LRP5: variants seen among roughly 807,000 people sequenced by gnomAD.
The protein encoded by LRP5 is LDL receptor related protein 5, also known as low-density lipoprotein receptor-related protein 5.
LRP5 carries 62 observed loss-of-function variants against 154.1 expected under a neutral mutation model. The observed-to-expected ratio is 0.40, with a 90% confidence interval of 0.33 to 0.50. The LOEUF is 0.50. Among genes scored for constraint, LRP5 ranks in the 20% least tolerant of loss-of-function variants. The probability of loss-of-function intolerance (pLI) is 0.55; values close to 1 mark genes in which losing one functional copy is unlikely to be tolerated. For synonymous variants in LRP5, 966 were observed against 1,011.5 expected, an observed-to-expected ratio of 0.96 and a Z score of 0.85; for missense variants, 1,915 against 2,336.7, an observed-to-expected ratio of 0.82 and a Z score of 3.72.
intron 7 of LRP5, among the ~76,000 whole-genome samples, chr11:68,401,829 C>T (rs1482028104): frequency 6.6e-6 from 1 of 152,176 alleles, no homozygotes; most frequent in African/African-American, 2.4e-5. Flanking sequence ...GCTGGGATTA[C>T]AGGTGTGTGC....
chr11:68,401,683 G>A (rs1442025771), intron 7 of LRP5, among the ~76,000 whole-genome samples: 8 of 151,924 alleles, frequency 5.3e-5, no homozygotes, highest in Admixed American at 3.9e-4. Context: ...TCCCCTTCCC[G>A]CTCTCCTAAC....
rs1350224543 is a variant in LRP5 at position 68,416,481 on chromosome 11, T to C, written c.2981T>C (p.Val994Ala). The change falls in exon 13 of 23, where the codon GTG (valine) becomes GCG (alanine). Residue 994 changes from valine to alanine, a missense_variant. Val to Ala is a moderately conservative substitution (Grantham distance 64, BLOSUM62 0). This residue lies in a region of LRP5 where 1,094 missense variants were observed against 1,210.1 expected (regional missense o/e 0.90). Coordinates refer to ENST00000294304, the MANE Select transcript of LRP5 (RefSeq NM_002335.4). ...CCACTGGACAAGTTCATCTACTGGG[T>C]GGATGGGCGCCAGAACATCAAGCGA... is the stretch of plus-strand genomic sequence containing the variant. ...YDPLDKFIYW[V>A]DGRQNIKRAK... The C allele has an allele frequency of 6.2e-7, 1 of 1,613,764 alleles. No homozygotes were observed. The highest frequency in any genetic ancestry group is 1.3e-5 in the African/African-American group (1 of 74,866).
chr11:68,443,848 G>A (rs757609417), intron 21 of LRP5, among the ~76,000 whole-genome samples: 13 of 151,114 alleles, frequency 8.6e-5, no homozygotes, highest in South Asian at 2.1e-4. Flanking sequence ...AGTAGAGACG[G>A]GGGTTTCTCC....
chr11:68,389,327 C>T (rs2098644922), intron 6 of LRP5, among the ~76,000 whole-genome samples: 1 of 152,222 alleles, frequency 6.6e-6, no homozygotes, highest in Non-Finnish European at 1.5e-5. Flanking sequence ...CTGACATCTA[C>T]TGACACTGGC....
At chr11:68,340,235 C>T (rs922908606) in intron 1 of LRP5, among the ~76,000 whole-genome samples, 14 of 151,864 alleles carry the variant, frequency 9.2e-5, no homozygotes, top group Admixed American at 2.0e-4. Flanking sequence ...AGTGAAACTC[C>T]GTCTCAAAAT....
At chr11:68,426,465 C>T (rs1404625153) in intron 16 of LRP5, among the ~76,000 whole-genome samples, 1 of 142,256 alleles carries the variant, frequency 7.0e-6, no homozygotes, top group African/African-American at 2.8e-5. Flanking sequence ...TGCTCTGTTG[C>T]CCAGGCTGGG....
intron 10 of LRP5, 129 bp downstream of exon 10, chr11:68,410,269 C>A: frequency 1.3e-6 from 1 of 780,786 alleles, no homozygotes; most frequent in Non-Finnish European, 2.2e-6. Flanking sequence ...ACGTCATTAG[C>A]CTTGATGGTG....
intron 5 of LRP5, among the ~76,000 whole-genome samples, chr11:68,370,390 G>T (rs2098633385): frequency 3.3e-5 from 5 of 152,070 alleles, no homozygotes; most frequent in Admixed American, 3.3e-4. Flanking sequence ...GTGATTAGAG[G>T]AGGCTGCCTG....
At chr11:68,417,290 C>T (rs997707645) in intron 13 of LRP5, among the ~76,000 whole-genome samples, 3 of 151,840 alleles carry the variant, frequency 2.0e-5, no homozygotes, top group Non-Finnish European at 4.4e-5. Flanking sequence ...AGGTCAGAGA[C>T]GGAGGTGTGT....
At chr11:68,363,504 A>G (rs1454359604) in intron 3 of LRP5, among the ~76,000 whole-genome samples, 1 of 152,100 alleles carries the variant, frequency 6.6e-6, no homozygotes, top group Non-Finnish European at 1.5e-5. Flanking sequence ...TAAAAATACA[A>G]AAATCATCTG....
At chr11:68,418,401 C>CAA (rs981576254) in intron 13 of LRP5, among the ~76,000 whole-genome samples, 1 of 140,486 alleles carries the variant, frequency 7.1e-6, no homozygotes. Context: ...GACGCCATCT[C>CAA]AAAAAAAAAA....
intron 13 of LRP5, among the ~76,000 whole-genome samples, 176 bp downstream of exon 13, chr11:68,416,703 C>A (rs1468451749): frequency 6.6e-6 from 1 of 152,098 alleles, no homozygotes; most frequent in South Asian, 2.1e-4. Flanking sequence ...TGCGTGGAAC[C>A]CCGAGACTGT....
chr11:68,390,115 T>TGTAC, intron 7 of LRP5, 63 bp downstream of exon 7: 1 of 1,589,180 alleles, frequency 6.3e-7, no homozygotes, highest in Non-Finnish European at 8.6e-7. Context: ...TGCAGCCAGA[T>TGTAC]GTACGTATTG....
rs117037460 is a variant in LRP5 at position 68,440,767 on chromosome 11, C to A, written c.4488+851C>A. ...ATCTGGGGTCTTGTCTTCTTGTTTTCTTTTTCTTTTTTTTTTGAGACGGAG... is the reference window on the plus strand; with the variant it reads ...ATCTGGGGTCTTGTCTTCTTGTTTTATTTTTCTTTTTTTTTTGAGACGGAG... On this transcript the variant is annotated intron_variant, in intron 21 of 22. Transcript: ENST00000294304. Among the ~76,000 whole-genome samples the A allele has an allele frequency of 6.2e-3, 939 of 152,030 alleles. 26 individuals are homozygous for A. In the East Asian group the frequency reaches 0.079, roughly 13 times the overall value.
At chr11:68,396,878 G>A (rs563088394) in intron 7 of LRP5, among the ~76,000 whole-genome samples, 2 of 152,318 alleles carry the variant, frequency 1.3e-5, no homozygotes, top group Admixed American at 1.3e-4. Flanking sequence ...CCGCATCCGA[G>A]TCCTGCCCCA....
chr11:68,313,665 C>T (rs2098590625), intron 1 of LRP5, among the ~76,000 whole-genome samples: 1 of 152,272 alleles, frequency 6.6e-6, no homozygotes, highest in African/African-American at 2.4e-5. Flanking sequence ...AAGCAAGCCT[C>T]TTGCTACCTA....
intron 17 of LRP5, among the ~76,000 whole-genome samples, chr11:68,432,383 G>T (rs1376105069): frequency 6.6e-6 from 1 of 152,178 alleles, no homozygotes; most frequent in Admixed American, 6.5e-5. Flanking sequence ...CCTCTCAGCC[G>T]TCGTGGGCTG....
chr11:68,384,424 A>G (rs1216799991), intron 5 of LRP5, among the ~76,000 whole-genome samples: 1 of 152,170 alleles, frequency 6.6e-6, no homozygotes, highest in African/African-American at 2.4e-5. Context: ...GTGCAGGGGC[A>G]TGGCCACAGG....
At chr11:68,445,626 C>T in intron 21 of LRP5, 1 of 1,318,384 alleles carries the variant, frequency 7.6e-7, no homozygotes, top group Non-Finnish European at 9.9e-7. Flanking sequence ...CCCACATAAG[C>T]CCTACACCCT....
Sources: allele counts gnomAD v4.1 joint callset (sites outside exome capture counted in the v4.1 genomes callset), GRCh38; gene constraint gnomAD v4.1.1; regional missense constraint gnomAD v4.1.1; transcripts MANE v1.5; gene names NCBI Gene and HGNC (gene_info 2026-07-23, HGNC 2026-07-21).